The following OR2L3 variants were observed in gnomAD, a reference collection of about 807,000 sequenced individuals.
OR2L3 encodes the protein olfactory receptor family 2 subfamily L member 3.
For missense variants in OR2L3, 369 were observed against 376.6 expected (o/e 0.98, Z 0.17); for synonymous variants, 131 against 139.1 (o/e 0.94, Z 0.41).
intron 1 of OR2L3, among the ~76,000 whole-genome samples, chr1:248,057,164 C>A (rs1419886817): frequency 6.6e-6 from 1 of 152,134 alleles, no homozygotes; most frequent in Non-Finnish European, 1.5e-5. Context: ...TCCACATGAT[C>A]TAGAGCTGAG....
intron 1 of OR2L3, among the ~76,000 whole-genome samples, chr1:248,058,283 C>T (rs1317242059): frequency 1.3e-5 from 2 of 152,054 alleles, no homozygotes; most frequent in African/African-American, 2.4e-5. Flanking sequence ...TATTTTCAGA[C>T]AATACATTCA....
rs750672081 is a variant in OR2L3, at chr1:248,061,300, G to A, written c.619G>A (p.Val207Met). The A allele has an allele frequency of 2.3e-5, 37 of 1,612,412 alleles. No homozygotes were observed. Among genetic ancestry groups the A allele is most frequent in the Middle Eastern group, 1.6e-4 (1 of 6,082 alleles). Residue 207 changes from valine (V) to methionine (M), a missense_variant, in exon 2 of 2, where the codon GTG becomes ATG. Val to Met is a conservative substitution (Grantham distance 21). Coordinates refer to ENST00000359959, the MANE Select transcript of OR2L3 (RefSeq NM_001004687.2). ...TVFLSTTIFL[V>M]FPFIAISCSY... ...GTTTTTGAGCACCACCATCTTTCTC[G>A]TGTTTCCCTTCATTGCTATTTCATG...
At position 248,051,315 on chromosome 1, in the gene OR2L3, T is replaced by A. The variant is rs143945044; in HGVS notation, c.-22+4435T>A. On this transcript the variant is annotated intron_variant, in intron 1 of 1. Coordinates refer to ENST00000359959, the MANE Select transcript of OR2L3 (RefSeq NM_001004687.2). ...CTTAGCATAATGTATTCAAGCTTCA[T>A]CCATGTTGTAGCATGTGTCAAAATT... The A allele has an allele frequency of 7.1e-4, 108 of 152,332 alleles. 1 individual carries two copies. The highest frequency in any genetic ancestry group is 2.4e-3 in the African/African-American group (100 of 41,580). The allele number at this position is 152,332 out of a possible 1,614,324, so 9.4% of individuals were successfully genotyped here. A position where few individuals can be genotyped will look rare whatever the true frequency, so the allele number is the denominator to read the frequency against.
intron 1 of OR2L3, among the ~76,000 whole-genome samples, chr1:248,048,921 CTCTTT>C (rs950295198): frequency 2.8e-5 from 4 of 142,004 alleles, no homozygotes; most frequent in African/African-American, 1.1e-4. Context: ...TTTTCTCTCT[CTCTTT>C]TTTTTTTTTT....
Position 248,061,672 on chromosome 1 carries a change from T to G in OR2L3, c.*52T>G, listed in dbSNP as rs753396860. The G allele has an allele frequency of 6.3e-6, 9 of 1,428,932 alleles. No individual in the cohort carries two copies. The East Asian group carries it at 1.9e-4, about 29-fold the overall frequency. 88.5% of individuals were successfully genotyped at this position (1,428,932 alleles called of 1,614,324 possible). ...ACTCAGATACACATCCATCCAGCAG[T>G]GTATAGTAATTAAAATATTATTTCA... On this transcript the variant is annotated 3_prime_UTR_variant, in exon 2 of 2. Coordinates refer to ENST00000359959, the MANE Select transcript of OR2L3 (RefSeq NM_001004687.2).
chr1:248,057,601 A>G (rs1663475107), intron 1 of OR2L3, among the ~76,000 whole-genome samples: 1 of 152,152 alleles, frequency 6.6e-6, no homozygotes, highest in Admixed American at 6.5e-5. Flanking sequence ...ACATCTTAAC[A>G]GTATTAACCC....
At chr1:248,052,736 GA>G (rs1023863007) in intron 1 of OR2L3, among the ~76,000 whole-genome samples, 2 of 148,792 alleles carry the variant, frequency 1.3e-5, no homozygotes, top group Admixed American at 6.7e-5. Context: ...ATCTCAAAAA[GA>G]AAAAAAAATC....
chr1:248,061,585 C>G lies in OR2L3; in HGVS notation c.904C>G (p.Arg302Gly). 6.2e-7 allele frequency: 1 copy of G among 1,612,918 alleles called. No homozygotes were observed. Among genetic ancestry groups the G allele is most frequent in the Non-Finnish European group, 8.5e-7 (1 of 1,179,478 alleles). Reference sequence around the variant, plus strand: ...CAAGGAGGTGATGGGGGCCCTGACACGAGTGAGTCAGAGAATCTGCTCTGG... The same window carrying G: ...CAAGGAGGTGATGGGGGCCCTGACAGGAGTGAGTCAGAGAATCTGCTCTGG... Reference protein sequence around the residue: ...RNKEVMGALTRVSQRICSGKM With the variant: ...RNKEVMGALTGVSQRICSGKM Residue 302 changes from arginine (R) to glycine (G), a missense_variant, in exon 2 of 2, where the codon CGA (arginine) becomes GGA (glycine). By Grantham distance (125) the Arg-to-Gly change is moderately radical. Coordinates refer to ENST00000359959, the MANE Select transcript of OR2L3 (RefSeq NM_001004687.2).
At chr1:248,050,204 G>A (rs1282525521) in intron 1 of OR2L3, among the ~76,000 whole-genome samples, 3 of 151,368 alleles carry the variant, frequency 2.0e-5, no homozygotes, top group East Asian at 1.9e-4. Flanking sequence ...TTTTCTGCTC[G>A]TTCTTTCCTC....
intron 1 of OR2L3, among the ~76,000 whole-genome samples, chr1:248,050,989 C>T (rs1185031848): frequency 6.6e-6 from 1 of 152,094 alleles, no homozygotes; most frequent in African/African-American, 2.4e-5. Flanking sequence ...TTTAAGGGAT[C>T]TTTTATTAGT....
rs1304364634 is a variant in OR2L3 at position 248,061,161 on chromosome 1, A to G, written c.480A>G (p.Val160=). 5.6e-6 allele frequency: 9 copies of G among 1,613,238 alleles called. No homozygotes were observed. The highest frequency in any genetic ancestry group is 7.6e-6 in the Non-Finnish European group (9 of 1,179,602). ...IGSINACAHT[V]YVLHIPYCQS... is the part of the protein sequence containing the mutation. ...CGATCAATGCTTGTGCTCACACTGTATATGTACTCCATATTCCTTATTGCC... is the reference window on the plus strand; with the variant it reads ...CGATCAATGCTTGTGCTCACACTGTGTATGTACTCCATATTCCTTATTGCC... The change falls in exon 2 of 2, where the codon GTA becomes GTG. Residue 160 remains valine (V), a synonymous_variant. Transcript: ENST00000359959.
chr1:248,062,233 A>G lies in OR2L3; in HGVS notation c.*613A>G, dbSNP rs1410883352. The G allele has an allele frequency of 6.6e-6, 1 of 152,268 alleles. No homozygotes were observed. The highest frequency in any genetic ancestry group is 6.5e-5 in the Admixed American group (1 of 15,284). 9.4% of individuals were successfully genotyped at this position (152,268 alleles called of 1,614,324 possible). A position where few individuals can be genotyped will look rare whatever the true frequency, so the allele number is the denominator to read the frequency against. On this transcript the variant is annotated 3_prime_UTR_variant, in exon 2 of 2. Transcript: ENST00000359959. ...ATAGGGGAATGAATCCCAGGAAATG[A>G]TTTAACATTAGGTATATTTTAGATC...
chr1:248,048,946 CA>C (rs1433254179), intron 1 of OR2L3, among the ~76,000 whole-genome samples: 38 of 145,596 alleles, frequency 2.6e-4, no homozygotes. Flanking sequence ...TTGGTAAATC[CA>C]CACGTTTTCT....
At chr1:248,054,000 G>A (rs576039330) in intron 1 of OR2L3, among the ~76,000 whole-genome samples, 103 of 152,236 alleles carry the variant, frequency 6.8e-4, no homozygotes, top group African/African-American at 2.3e-3. Context: ...TGTTGCAATT[G>A]CTTTTGGAGT....
intron 1 of OR2L3, among the ~76,000 whole-genome samples, chr1:248,054,059 T>A (rs1241899879): frequency 2.0e-5 from 3 of 152,212 alleles, no homozygotes; most frequent in African/African-American, 7.2e-5. Context: ...TGATATTGCC[T>A]AGATTTTCTT....
chr1:248,050,853 A>T (rs1286559954), intron 1 of OR2L3, among the ~76,000 whole-genome samples: 1 of 151,976 alleles, frequency 6.6e-6, no homozygotes, highest in Non-Finnish European at 1.5e-5. Context: ...GCTCTTCTAA[A>T]TTTTTTTTCA....
intron 1 of OR2L3, among the ~76,000 whole-genome samples, chr1:248,055,601 C>CA (rs1279144379): frequency 2.6e-5 from 4 of 152,050 alleles, no homozygotes; most frequent in Admixed American, 2.6e-4. Context: ...ACTAAAAATA[C>CA]AAAAAATTAG....
chr1:248,054,232 TG>T (rs1663361667), intron 1 of OR2L3, among the ~76,000 whole-genome samples: 1 of 152,282 alleles, frequency 6.6e-6, no homozygotes, highest in Admixed American at 6.5e-5. Flanking sequence ...CCCCGTTGCT[TG>T]TTTTTTTCCA....
At chr1:248,055,417 G>A (rs1316986307) in intron 1 of OR2L3, among the ~76,000 whole-genome samples, 1 of 151,100 alleles carries the variant, frequency 6.6e-6, no homozygotes, top group Non-Finnish European at 1.5e-5. Context: ...TTTTTGTTAT[G>A]TCTCTGCTGG....
Sources: allele counts gnomAD v4.1 joint callset (sites outside exome capture counted in the v4.1 genomes callset), GRCh38; gene constraint gnomAD v4.1.1; transcripts MANE v1.5; gene names NCBI Gene and HGNC (gene_info 2026-07-23, HGNC 2026-07-21).